PRKAG2: variants seen among roughly 807,000 people sequenced by gnomAD.
PRKAG2 encodes the protein protein kinase AMP-activated non-catalytic subunit gamma 2, also known as 5'-AMP-activated protein kinase subunit gamma-2.
In PRKAG2, 26 loss-of-function variants were observed where a neutral mutation model predicts 69.6. The observed-to-expected ratio is 0.37, with a 90% confidence interval of 0.27 to 0.52. PRKAG2 has a LOEUF of 0.52. Among genes scored for constraint, PRKAG2 ranks in the 20% least tolerant of loss-of-function variants. The pLI, the probability that PRKAG2 is intolerant of heterozygous loss-of-function variation, is 0.90. For missense variants in PRKAG2, 557 were observed against 740.0 expected (o/e 0.75, Z 2.87); for synonymous variants, 293 against 285.0 (o/e 1.03, Z -0.28).
intron 4 of PRKAG2, among the ~76,000 whole-genome samples, chr7:151,674,049 GCCAGGCTGGTCTGGAACT>G (rs1368382113): frequency 1.3e-5 from 2 of 152,082 alleles, no homozygotes; most frequent in African/African-American, 2.4e-5. Flanking sequence ...CACCATGCTG[GCCAGGCTGGTCTGGAACT>G]CCTGGCCTCA....
chr7:151,766,505 C>T (rs557279425), intron 3 of PRKAG2, among the ~76,000 whole-genome samples: 1 of 152,338 alleles, frequency 6.6e-6, no homozygotes, highest in East Asian at 1.9e-4. Context: ...GCGCCCAGAT[C>T]GTGGATAAGT....
intron 2 of PRKAG2, among the ~76,000 whole-genome samples, chr7:151,784,420 G>A (rs1296508519): frequency 1.3e-5 from 2 of 152,204 alleles, no homozygotes; most frequent in Admixed American, 6.5e-5. Flanking sequence ...CCACAAGGCC[G>A]AAGCACCATA....
At chr7:151,846,852 T>G (rs1014198461) in intron 1 of PRKAG2, among the ~76,000 whole-genome samples, 4 of 152,230 alleles carry the variant, frequency 2.6e-5, no homozygotes, top group African/African-American at 9.6e-5. Flanking sequence ...CTAAAAAGCT[T>G]GGTCATATTT....
Position 151,557,357 on chromosome 7 carries a change from G to A in PRKAG2, c.1679-125C>T, listed in dbSNP as rs142653616. On this transcript the variant is annotated intron_variant, in intron 15 of 15. Coordinates refer to ENST00000287878, the MANE Select transcript of PRKAG2 (RefSeq NM_016203.4). ...TGATCCAGAGGCTTCGGAGGAGGGC[G>A]ATGTGGGAAGGAGCAGGTGGCCCAA... 0.034 allele frequency: 54,175 copies of A among 1,604,530 alleles called. 1,172 individuals carry two copies. The highest frequency in any genetic ancestry group is 0.039 in the Non-Finnish European group (45,926 of 1,175,344).
intron 3 of PRKAG2, among the ~76,000 whole-genome samples, chr7:151,690,674 G>C (rs80234930): frequency 0.022 from 3,403 of 152,228 alleles, 70 homozygotes; most frequent in Non-Finnish European, 0.035. Flanking sequence ...ATCTGAATAC[G>C]GTGCTTAGGG....
rs138433902 is a variant in PRKAG2, at chr7:151,652,609, T to C, written c.685-20471A>G. 2.0e-5 allele frequency among the ~76,000 whole-genome samples: 3 copies of C among 152,308 alleles called. No homozygotes were observed. In the East Asian group the frequency reaches 5.8e-4, roughly 29 times the overall value. ...AAGCAGGCACACAATATGGTAAATATTAGTAGATGGAACCCAATATCCAAA... is the reference window on the plus strand; with the variant it reads ...AAGCAGGCACACAATATGGTAAATACTAGTAGATGGAACCCAATATCCAAA... On this transcript the variant is annotated intron_variant, in intron 4 of 15. Transcript: ENST00000287878.
chr7:151,781,563 T>C lies in PRKAG2; in HGVS notation c.187-132A>G. On this transcript the variant is annotated intron_variant, in intron 2 of 15. Coordinates refer to ENST00000287878, the MANE Select transcript of PRKAG2 (RefSeq NM_016203.4). This position sits in a 1 kb window ranked among gnomAD's most constrained non-coding sequence, Gnocchi z 6.1. ...TAGTACCCTCCCAGAGAAACAGCCCTAAGCTCTTCCACAGAGGTAGCCACT... is the reference window on the plus strand; with the variant it reads ...TAGTACCCTCCCAGAGAAACAGCCCCAAGCTCTTCCACAGAGGTAGCCACT... The C allele has an allele frequency of 8.6e-7, 1 of 1,162,310 alleles. No homozygotes were observed. The highest frequency in any genetic ancestry group is 1.2e-6 in the Non-Finnish European group (1 of 818,152). 72.0% of individuals were successfully genotyped at this position (1,162,310 alleles called of 1,614,324 possible).
intron 1 of PRKAG2, among the ~76,000 whole-genome samples, chr7:151,855,465 CA>C (rs2079736423): frequency 8.8e-5 from 2 of 22,726 alleles, no homozygotes; most frequent in Admixed American, 5.0e-4. Context: ...CCTCCACACA[CA>C]CCATGCTCCA....
At chr7:151,851,490 C>T (rs2079567873) in intron 1 of PRKAG2, among the ~76,000 whole-genome samples, 2 of 152,170 alleles carry the variant, frequency 1.3e-5, no homozygotes, top group Admixed American at 6.5e-5. Context: ...GGATCTGAGA[C>T]GTGGAGTCGC....
At chr7:151,648,709 T>A (rs964414108) in intron 4 of PRKAG2, among the ~76,000 whole-genome samples, 2 of 152,172 alleles carry the variant, frequency 1.3e-5, no homozygotes, top group Non-Finnish European at 2.9e-5. Flanking sequence ...TGTAAAATAA[T>A]AGTTTACTTT....
intron 1 of PRKAG2, among the ~76,000 whole-genome samples, chr7:151,833,379 C>T (rs1279593001): frequency 2.6e-5 from 4 of 152,088 alleles, no homozygotes; most frequent in East Asian, 3.9e-4. Flanking sequence ...CAGGGTGTGA[C>T]GAATGATGTT....
At chr7:151,601,088 C>T (rs1005647764) in intron 5 of PRKAG2, among the ~76,000 whole-genome samples, 9 of 152,148 alleles carry the variant, frequency 5.9e-5, no homozygotes, top group African/African-American at 2.2e-4. Flanking sequence ...CTGAGCGCAC[C>T]TGGGGAGGAC....
chr7:151,708,651 G>A (rs748109809), intron 3 of PRKAG2, among the ~76,000 whole-genome samples: 14 of 152,136 alleles, frequency 9.2e-5, no homozygotes, highest in Non-Finnish European at 1.9e-4. Context: ...CTTTCCTGTC[G>A]TACCCCGTGT....
Position 151,632,184 on chromosome 7 carries a change from C to A in PRKAG2, c.685-46G>T. The A allele has an allele frequency of 1.6e-6, 2 of 1,227,762 alleles. No individual in the cohort carries two copies. Among genetic ancestry groups the A allele is most frequent in the Non-Finnish European group, 1.0e-6 (1 of 976,940 alleles). The allele number at this position is 1,227,762 out of a possible 1,614,324, so 76.1% of individuals were successfully genotyped here. ...AGCGATCAGCATGAGCTGCGACGCT[C>A]GTCCCCGGCCGGCGGGCTCGCGGCC... On this transcript the variant is annotated intron_variant, in intron 4 of 15. Coordinates refer to ENST00000287878, the MANE Select transcript of PRKAG2 (RefSeq NM_016203.4). The surrounding 1 kb of genome is among the most constrained non-coding windows in gnomAD (Gnocchi z 4.2).
chr7:151,676,675 C>T lies in PRKAG2; in HGVS notation c.467-1038G>A, dbSNP rs148433059. 3.6e-3 allele frequency among the ~76,000 whole-genome samples: 545 copies of T among 152,210 alleles called. 5 individuals are homozygous for T. Among genetic ancestry groups the T allele is most frequent in the African/African-American group, 0.012 (506 of 41,520 alleles). On this transcript the variant is annotated intron_variant, in intron 3 of 15. Transcript: ENST00000287878. ...AAGCAGAGCTGGAGATGCAGAGGCT[C>T]GTCAAGAAGAGGTTAAATAAATCAT...
At chr7:151,611,212 C>G (rs1489750556) in intron 5 of PRKAG2, among the ~76,000 whole-genome samples, 1 of 152,196 alleles carries the variant, frequency 6.6e-6, no homozygotes, top group Admixed American at 6.5e-5. Context: ...GAGGACTTCC[C>G]CATCTGGAAC....
intron 1 of PRKAG2, among the ~76,000 whole-genome samples, chr7:151,870,156 G>GATAGATAGA (rs1554621410): frequency 2.5e-5 from 3 of 120,166 alleles, no homozygotes; most frequent in African/African-American, 6.3e-5. Flanking sequence ...TAGATAGATA[G>GATAGATAGA]GCAGGCAGGC....
At chr7:151,696,478 G>A (rs1346370424) in intron 3 of PRKAG2, among the ~76,000 whole-genome samples, 1 of 152,240 alleles carries the variant, frequency 6.6e-6, no homozygotes, top group Non-Finnish European at 1.5e-5. Context: ...GAGCCAGGTC[G>A]TCTCTGCAGG....
intron 3 of PRKAG2, among the ~76,000 whole-genome samples, chr7:151,768,304 A>G (rs10271360): frequency 0.77 from 117,853 of 152,132 alleles, 46,823 homozygotes; most frequent in East Asian, 0.98. Flanking sequence ...ATGAGGCCAA[A>G]CTTCCTGCCC....
Sources: allele counts gnomAD v4.1 joint callset (sites outside exome capture counted in the v4.1 genomes callset), GRCh38; gene constraint gnomAD v4.1.1; non-coding constraint Gnocchi (gnomAD v3.1); transcripts MANE v1.5; gene names NCBI Gene and HGNC (gene_info 2026-07-23, HGNC 2026-07-21).